KSR1: variants seen among roughly 807,000 people sequenced by gnomAD.
The protein encoded by KSR1 is kinase suppressor of ras 1, also known as kinase suppressor of ras.
KSR1 carries 35 observed loss-of-function variants against 92.9 expected under a neutral mutation model. That is an observed-to-expected ratio of 0.38 (90% CI 0.29 to 0.50). The LOEUF (loss-of-function observed/expected upper bound fraction) is 0.50. Among genes scored for constraint, KSR1 ranks in the 20% least tolerant of loss-of-function variants. The pLI is 0.94. For synonymous variants in KSR1, 467 were observed against 472.6 expected, an observed-to-expected ratio of 0.99 and a Z score of 0.15; for missense variants, 972 against 1,158.5, an observed-to-expected ratio of 0.84 and a Z score of 2.34.
At chr17:27,540,882 G>A (rs2070938976) in intron 1 of KSR1, among the ~76,000 whole-genome samples, 1 of 152,250 alleles carries the variant, frequency 6.6e-6, no homozygotes, top group South Asian at 2.1e-4. Flanking sequence ...TTTGCAACAA[G>A]TTGGCCATGG....
At chr17:27,538,314 C>T (rs2070825712) in intron 1 of KSR1, among the ~76,000 whole-genome samples, 1 of 152,218 alleles carries the variant, frequency 6.6e-6, no homozygotes, top group Non-Finnish European at 1.5e-5. Flanking sequence ...AACAGGGATA[C>T]TGTCTCTGGT....
intron 1 of KSR1, among the ~76,000 whole-genome samples, chr17:27,493,676 G>A (rs916211111): frequency 2.6e-5 from 4 of 152,044 alleles, no homozygotes; most frequent in Admixed American, 6.6e-5. Context: ...CTGTGTTGTC[G>A]TGAGTGTAAA....
In KSR1 at chr17:27,456,627, G is replaced by A. The variant is rs1023497204; in HGVS notation, c.-17G>A. On this transcript the variant is annotated 5_prime_UTR_variant, in exon 1 of 21. Transcript: ENST00000644974. The stretch of plus-strand genomic sequence containing the variant: ...CCGGGCTCCCAGCCTCGGCCGCCGC[G>A]GCCCCGATGCCGAGGCATGGATAGA... 2 of 499,832 alleles carry A rather than the reference G, an allele frequency of 4.0e-6. No individual in the cohort carries two copies. The highest frequency in any genetic ancestry group is 4.1e-5 in the African/African-American group (2 of 48,652). 31.0% of individuals were successfully genotyped at this position (499,832 alleles called of 1,614,324 possible).
At chr17:27,525,753 TC>T (rs532813733) in intron 1 of KSR1, among the ~76,000 whole-genome samples, 229 of 152,364 alleles carry the variant, frequency 1.5e-3, no homozygotes, top group Non-Finnish European at 2.6e-3. Context: ...ACCTTGGTGT[TC>T]CTGGTGCCTT....
At chr17:27,595,763 T>C (rs2073323764) in intron 9 of KSR1, among the ~76,000 whole-genome samples, 1 of 151,512 alleles carries the variant, frequency 6.6e-6, no homozygotes, top group Non-Finnish European at 1.5e-5. Flanking sequence ...TGTCTGGTGG[T>C]GCTTTGCTCC....
In KSR1 at chr17:27,542,705, G is replaced by A. The variant is rs572774398; in HGVS notation, c.232-7863G>A. Among the ~76,000 whole-genome samples, 4 of 152,282 alleles carry A rather than the reference G, an allele frequency of 2.6e-5. No individual in the cohort carries two copies. The South Asian group carries it at 6.2e-4, about 24-fold the overall frequency. On this transcript the variant is annotated intron_variant, in intron 1 of 20. Coordinates refer to ENST00000644974, the MANE Select transcript of KSR1 (RefSeq NM_001394583.1). ...AAAAGTCTTCATGCTCCTCCTTTTC[G>A]AGGTCATTCTGCAGGCTGAGCAGGA...
At position 27,604,612 on chromosome 17, in the gene KSR1, A is replaced by G; in HGVS notation, c.1566-68A>G. ...ACCTTTGTCTCAGATCTCTCCCGGG[A>G]GTCCCCGCTAGCTGAGAGCAGAGCG... On this transcript the variant is annotated intron_variant, in intron 12 of 20. Transcript: ENST00000644974. 3.4e-6 allele frequency: 5 copies of G among 1,471,786 alleles called. No individual in the cohort carries two copies. The South Asian group carries it at 5.7e-5, about 17-fold the overall frequency. 91.2% of individuals were successfully genotyped at this position (1,471,786 alleles called of 1,614,324 possible).
intron 10 of KSR1, among the ~76,000 whole-genome samples, chr17:27,599,764 TC>T (rs1406657173): frequency 6.6e-6 from 1 of 152,256 alleles, no homozygotes; most frequent in Non-Finnish European, 1.5e-5. Flanking sequence ...TAACTTGGAC[TC>T]TTTTGTAATA....
At chr17:27,523,145 A>G (rs912036302) in intron 1 of KSR1, among the ~76,000 whole-genome samples, 1 of 152,218 alleles carries the variant, frequency 6.6e-6, no homozygotes, top group Non-Finnish European at 1.5e-5. Flanking sequence ...TGGAAAAACT[A>G]GCATGCAAGT....
chr17:27,565,284 A>G (rs913041704), intron 2 of KSR1, among the ~76,000 whole-genome samples: 1 of 152,018 alleles, frequency 6.6e-6, no homozygotes, highest in Non-Finnish European at 1.5e-5. Context: ...TTATGCTGTA[A>G]TTCTTTAGCA....
intron 1 of KSR1, among the ~76,000 whole-genome samples, chr17:27,462,995 A>C (rs1381829769): frequency 6.6e-6 from 1 of 152,242 alleles, no homozygotes; most frequent in Admixed American, 6.5e-5. Context: ...TGGGCCATTC[A>C]GGCTGTTTCC....
Position 27,617,387 on chromosome 17 carries a change from C to T in KSR1, c.2586C>T (p.Asn862=). ...MDMLEKLPKL[N]RRLSHPGHFW... is the part of the protein sequence containing the mutation. ...TGCTGGAGAAACTTCCCAAGCTGAA[C>T]CGGCGGCTCTCCCACCCTGGACACT... Residue 862 remains asparagine (N), a synonymous_variant, in exon 19 of 21, where the codon AAC becomes AAT. Coordinates refer to ENST00000644974, the MANE Select transcript of KSR1 (RefSeq NM_001394583.1). 6.2e-7 allele frequency: 1 copy of T among 1,612,922 alleles called. No homozygotes were observed. Among genetic ancestry groups the T allele is most frequent in the Non-Finnish European group, 8.5e-7 (1 of 1,179,282 alleles).
chr17:27,568,915 C>G (rs2072194496), intron 2 of KSR1, among the ~76,000 whole-genome samples: 1 of 152,216 alleles, frequency 6.6e-6, no homozygotes, highest in African/African-American at 2.4e-5. Flanking sequence ...GCACATAGCC[C>G]TATTTTGTGC....
In KSR1 at chr17:27,605,427, C is replaced by A; in HGVS notation, c.1615-7C>A. 1 of 1,607,472 alleles carries A rather than the reference C, an allele frequency of 6.2e-7. No individual in the cohort carries two copies. Among genetic ancestry groups the A allele is most frequent in the Non-Finnish European group, 8.5e-7 (1 of 1,178,598 alleles). On this transcript the variant is annotated splice_region_variant and splice_polypyrimidine_tract_variant and intron_variant, in intron 13 of 20. Transcript: ENST00000644974. ...GCCCATCCCTGTTCTTCCTGCTCTCCTTTCAGGCTGAGGAGCCAGAGGCTG... is the reference window on the plus strand; with the variant it reads ...GCCCATCCCTGTTCTTCCTGCTCTCATTTCAGGCTGAGGAGCCAGAGGCTG...
chr17:27,516,651 A>G (rs1033010447), intron 1 of KSR1, among the ~76,000 whole-genome samples: 3 of 152,238 alleles, frequency 2.0e-5, no homozygotes, highest in African/African-American at 7.2e-5. Flanking sequence ...AAATGTATAT[A>G]TAGAGAGAAC....
chr17:27,496,900 G>C (rs1838390260), intron 1 of KSR1, among the ~76,000 whole-genome samples: 1 of 152,250 alleles, frequency 6.6e-6, no homozygotes, highest in Non-Finnish European at 1.5e-5. Context: ...AGATGAGAGT[G>C]TGGGCCAGCA....
rs374680293 is a variant in KSR1, at chr17:27,586,013, T to C, written c.985+352T>C. ...GGCTGCCACGGTAAAGCAGCACCCC[T>C]GGGAAGGCGGTGCCATCTGCCTGAT... On this transcript the variant is annotated intron_variant, in intron 5 of 20. Transcript: ENST00000644974. 13 of 330,002 alleles carry C rather than the reference T, an allele frequency of 3.9e-5. No homozygotes were observed. In the Middle Eastern group the frequency reaches 3.5e-3, roughly 89 times the overall value. The allele number at this position is 330,002 out of a possible 1,614,324, so 20.4% of individuals were successfully genotyped here.
At chr17:27,566,104 T>A (rs1031520629) in intron 2 of KSR1, among the ~76,000 whole-genome samples, 2 of 152,108 alleles carry the variant, frequency 1.3e-5, no homozygotes, top group African/African-American at 4.8e-5. Context: ...GTTCCCCAGA[T>A]GATTCACTGG....
In KSR1 at chr17:27,529,759, C is replaced by T. The variant is rs1048797866; in HGVS notation, c.232-20809C>T. 3.3e-5 allele frequency among the ~76,000 whole-genome samples: 5 copies of T among 152,210 alleles called. No homozygotes were observed. The East Asian group carries it at 9.6e-4, about 29-fold the overall frequency. ...TCATTCTTCAAGACCCAATTCAAAGCTCATCTTTTCCATGAACTCTTTCCC... is the reference window on the plus strand; with the variant it reads ...TCATTCTTCAAGACCCAATTCAAAGTTCATCTTTTCCATGAACTCTTTCCC... On this transcript the variant is annotated intron_variant, in intron 1 of 20. Coordinates refer to ENST00000644974, the MANE Select transcript of KSR1 (RefSeq NM_001394583.1).
Sources: allele counts gnomAD v4.1 joint callset (sites outside exome capture counted in the v4.1 genomes callset), GRCh38; gene constraint gnomAD v4.1.1; transcripts MANE v1.5; gene names NCBI Gene and HGNC (gene_info 2026-07-23, HGNC 2026-07-21).